PCNX2: variants seen among roughly 807,000 people sequenced by gnomAD.
The protein encoded by PCNX2 is pecanex 2, also known as pecanex-like protein 2.
A neutral mutation model predicts 223.8 loss-of-function variants in PCNX2; 168 were observed. The observed-to-expected ratio is 0.75, with a 90% CI of 0.66 to 0.85. The LOEUF is 0.85. Among genes scored for constraint, PCNX2 ranks in the 40% least tolerant of loss-of-function variants. The pLI, the probability that PCNX2 is intolerant of heterozygous loss-of-function variation, is 0.00. For missense variants in PCNX2, 2,507 were observed against 2,675.5 expected (o/e 0.94, Z 1.39); for synonymous variants, 1,006 against 1,052.6 (o/e 0.96, Z 0.86).
rs1676994607 is a variant in PCNX2, at chr1:233,139,626, G to T, written c.3659+88C>A. 3.5e-6 allele frequency: 5 copies of T among 1,444,394 alleles called. No individual in the cohort carries two copies. The highest frequency in any genetic ancestry group is 4.7e-6 in the Non-Finnish European group (5 of 1,072,600). The allele number at this position is 1,444,394 out of a possible 1,614,324, so 89.5% of individuals were successfully genotyped here. A position where few individuals can be genotyped will look rare whatever the true frequency, so the allele number is the denominator to read the frequency against. The stretch of plus-strand genomic sequence containing the variant: ...GGCCAATCACAGTCGGTAAAGGTTG[G>T]CTTCTTCTGCAGATTGTTTACAGAA... On this transcript the variant is annotated intron_variant, in intron 20 of 33. Transcript: ENST00000258229. This position sits in a 1 kb window ranked among gnomAD's most constrained non-coding sequence, Gnocchi z 4.4.
chr1:233,290,456 G>A (rs1438481460), intron 1 of PCNX2, among the ~76,000 whole-genome samples: 1 of 152,164 alleles, frequency 6.6e-6, no homozygotes, highest in Non-Finnish European at 1.5e-5. Context: ...TATGTATATA[G>A]CTGCACACAG....
At chr1:233,222,213 C>T (rs1657421896) in intron 10 of PCNX2, among the ~76,000 whole-genome samples, 1 of 152,044 alleles carries the variant, frequency 6.6e-6, no homozygotes, top group Admixed American at 6.5e-5. Flanking sequence ...AAAGGAAGGC[C>T]AGTATGGATG....
chr1:233,202,057 G>A (rs896335358), intron 13 of PCNX2: 9 of 388,660 alleles, frequency 2.3e-5, no homozygotes, highest in Non-Finnish European at 2.1e-5. Flanking sequence ...AATAAATGTC[G>A]TGGAGGTGGA....
rs534018258 is a variant in PCNX2 at position 233,139,010 on chromosome 1, C to T, written c.3659+704G>A. 1.7e-4 allele frequency among the ~76,000 whole-genome samples: 26 copies of T among 152,182 alleles called. No homozygotes were observed. The highest frequency in any genetic ancestry group is 3.5e-4 in the Non-Finnish European group (24 of 68,030). The stretch of plus-strand genomic sequence containing the variant: ...ACTTGGATACATAGTGTTTAAGCAA[C>T]GTGACTAATGAGCAAATCTGGGAAA... On this transcript the variant is annotated intron_variant, in intron 20 of 33. Coordinates refer to ENST00000258229, the MANE Select transcript of PCNX2 (RefSeq NM_014801.4). This position sits in a 1 kb window ranked among gnomAD's most constrained non-coding sequence, Gnocchi z 4.4.
At position 233,200,230 on chromosome 1, in the gene PCNX2, A is replaced by C; in HGVS notation, c.2898T>G (p.Leu966=). The C allele has an allele frequency of 6.3e-7, 1 of 1,589,646 alleles. No individual in the cohort carries two copies. The highest frequency in any genetic ancestry group is 8.6e-7 in the Non-Finnish European group (1 of 1,167,322). ...AAGTGTTGATTTGCGGGAAGAGCCC[A>C]AGGAGGGAAATAGCAGGGAAGCAAT... ...FLYCFPAISL[L]GLFPQINTFC... The change falls in exon 14 of 34, where the codon CTT becomes CTG. Residue 966 remains leucine (L), a synonymous_variant. Transcript: ENST00000258229.
At chr1:233,138,021 T>A (rs1558270558) in intron 20 of PCNX2, among the ~76,000 whole-genome samples, 1 of 152,202 alleles carries the variant, frequency 6.6e-6, no homozygotes, top group Non-Finnish European at 1.5e-5. Context: ...GATACCAATA[T>A]AGAGTTTCCT....
intron 19 of PCNX2, among the ~76,000 whole-genome samples, chr1:233,153,440 C>CA (rs907167402): frequency 2.0e-5 from 3 of 152,076 alleles, no homozygotes; most frequent in African/African-American, 7.2e-5. Flanking sequence ...AATACAAAAA[C>CA]AAACATTTGA....
intron 1 of PCNX2, among the ~76,000 whole-genome samples, chr1:233,273,083 A>C (rs1158865238): frequency 6.6e-6 from 1 of 151,920 alleles, no homozygotes; most frequent in Admixed American, 6.6e-5. Context: ...AAGTCTCACA[A>C]ATCACCACTA....
intron 1 of PCNX2, among the ~76,000 whole-genome samples, chr1:233,294,897 AAAAAGGGG>A (rs1661979257): frequency 1.3e-5 from 2 of 151,974 alleles, no homozygotes; most frequent in African/African-American, 4.8e-5. Flanking sequence ...GTGAGGGGGG[AAAAAGGGG>A]ACAATAACTG....
At chr1:233,191,839 G>A (rs1240367073) in intron 15 of PCNX2, among the ~76,000 whole-genome samples, 1 of 152,198 alleles carries the variant, frequency 6.6e-6, no homozygotes, top group Admixed American at 6.5e-5. Context: ...AGCAACTCCT[G>A]CTGTCGTAGA....
rs1675203396 is a variant in PCNX2, at chr1:233,113,021, T to C, written c.3838-17158A>G. On this transcript the variant is annotated intron_variant, in intron 21 of 33. Coordinates refer to ENST00000258229, the MANE Select transcript of PCNX2 (RefSeq NM_014801.4). ...TGTTAGGCTGTAAATCTTTAAGGGA[T>C]GTGTAGGTTCTGTGCAGGCACTTTC... is the stretch of plus-strand genomic sequence containing the variant. The C allele has an allele frequency of 7.0e-6, 9 of 1,287,656 alleles. No homozygotes were observed. In the Middle Eastern group the frequency reaches 8.5e-4, roughly 121 times the overall value. The allele number at this position is 1,287,656 out of a possible 1,614,324, so 79.8% of individuals were successfully genotyped here.
intron 21 of PCNX2, among the ~76,000 whole-genome samples, chr1:233,102,087 C>CTTTTTTT (rs201107797): frequency 6.4e-5 from 8 of 124,996 alleles, no homozygotes; most frequent in East Asian, 2.3e-4. Flanking sequence ...ATTCATTTTT[C>CTTTTTTT]TTTTTTTTTT....
Position 233,095,787 on chromosome 1 carries a change from A to C in PCNX2, c.3914T>G (p.Phe1305Cys). Residue 1305 changes from phenylalanine (F) to cysteine (C), a missense_variant, in exon 22 of 34, where the codon TTT becomes TGT. Around this residue, in one of 3 missense-constraint regions of PCNX2, gnomAD observed 1,372 missense variants for 1,509.4 expected, o/e 0.91. Coordinates refer to ENST00000258229, the MANE Select transcript of PCNX2 (RefSeq NM_014801.4). ...APWQMAWGSS[F>C]HVFAQLFAIP... ...GGCAAAGAGCTGAGCAAACACGTGA[A>C]ACGAAGAACCCCAAGCCATCTGCCA... is the stretch of plus-strand genomic sequence containing the variant. 1 of 1,611,568 alleles carries C rather than the reference A, an allele frequency of 6.2e-7. No homozygotes were observed. The highest frequency in any genetic ancestry group is 2.2e-5 in the East Asian group (1 of 44,820).
intron 1 of PCNX2, among the ~76,000 whole-genome samples, chr1:233,287,083 T>C (rs964738663): frequency 2.6e-5 from 4 of 152,134 alleles, no homozygotes; most frequent in African/African-American, 7.2e-5. Flanking sequence ...CCAAGGCAAA[T>C]TGAAAGGAAC....
At position 233,254,203 on chromosome 1, in the gene PCNX2, T is replaced by G. The variant is rs1659604225; in HGVS notation, c.1835-1415A>C. Among the ~76,000 whole-genome samples, 4 of 152,346 alleles carry G rather than the reference T, an allele frequency of 2.6e-5. 1 individual carries two copies. The highest frequency in any genetic ancestry group is 7.2e-5 in the African/African-American group (3 of 41,578). ...CTGTGAGTCCTGAACATAAACATTTTCAGCACATCTGTGAAACTACCATAA... is the reference window on the plus strand; with the variant it reads ...CTGTGAGTCCTGAACATAAACATTTGCAGCACATCTGTGAAACTACCATAA... On this transcript the variant is annotated intron_variant, in intron 5 of 33. Coordinates refer to ENST00000258229, the MANE Select transcript of PCNX2 (RefSeq NM_014801.4).
At chr1:233,263,213 T>C in intron 1 of PCNX2, 50 bp from the exon 2 acceptor site, 1 of 1,444,156 alleles carries the variant, frequency 6.9e-7, no homozygotes, top group Non-Finnish European at 9.3e-7. Context: ...AAGATTTTCT[T>C]TCTGTTTTAA....
At chr1:233,241,349 T>C in intron 8 of PCNX2, 3 of 985,344 alleles carry the variant, frequency 3.0e-6, no homozygotes, top group Non-Finnish European at 3.6e-6. Context: ...TCAGAGAAAA[T>C]GCCCCAGAGA....
chr1:233,012,974 C>G (rs1199136085), intron 28 of PCNX2, among the ~76,000 whole-genome samples: 1 of 152,102 alleles, frequency 6.6e-6, no homozygotes, highest in Non-Finnish European at 1.5e-5. Context: ...AATAAGGAGC[C>G]CGATCTTAGG....
At chr1:233,309,263 C>T in the PCNX2 span, among the ~76,000 whole-genome samples, 14 of 152,064 alleles carry the variant, frequency 9.2e-5, no homozygotes, top group African/African-American at 3.1e-4. Flanking sequence ...GGAATATGGC[C>T]GGGCGCGGTG....
Sources: gnomAD v4.1 joint callset for allele counts (sites outside exome capture counted in the v4.1 genomes callset) on GRCh38, gnomAD v4.1.1 for gene constraint, gnomAD v4.1.1 regional missense constraint, Gnocchi (gnomAD v3.1) non-coding constraint, MANE v1.5 for transcripts, NCBI Gene and HGNC (gene_info 2026-07-23, HGNC 2026-07-21) for gene names.